Variants in RFX7 observed in about 807,000 individuals in gnomAD.
RFX7 encodes the protein DNA-binding protein RFX7.
RFX7 carries 26 observed loss-of-function variants against 111.8 expected under a neutral mutation model. The ratio of observed to expected loss-of-function variants is 0.23; its 90% CI spans 0.17 to 0.32. The LOEUF (loss-of-function observed/expected upper bound fraction) is 0.32, where lower values mean the gene tolerates loss of function less well. RFX7 is among the 10% of genes least tolerant of loss of function. The pLI, the probability that RFX7 is intolerant of heterozygous loss-of-function variation, is 1.00. For missense variants in RFX7, 1,573 were observed against 1,772.9 expected (o/e 0.89, Z 2.02); for synonymous variants, 624 against 624.4 (o/e 1.00, Z 0.01).
At chr15:56,218,875 C>T (rs1213123829) in intron 2 of RFX7, among the ~76,000 whole-genome samples, 1 of 152,078 alleles carries the variant, frequency 6.6e-6, no homozygotes, top group Non-Finnish European at 1.5e-5. Flanking sequence ...CACTACACAC[C>T]AATATCAGAT....
intron 5 of RFX7, among the ~76,000 whole-genome samples, chr15:56,136,483 C>T (rs1202423026): frequency 1.5e-5 from 2 of 133,504 alleles, no homozygotes; most frequent in Admixed American, 1.6e-4. Flanking sequence ...TGAGACTTTG[C>T]TGAAGTTGCT....
At chr15:56,152,872 G>T (rs1368057821) in intron 3 of RFX7, among the ~76,000 whole-genome samples, 4 of 151,368 alleles carry the variant, frequency 2.6e-5, no homozygotes, top group African/African-American at 9.7e-5. Flanking sequence ...AAATGATATA[G>T]GGGATATCAC....
At chr15:56,213,794 CA>C (rs2043335787) in intron 2 of RFX7, among the ~76,000 whole-genome samples, 1 of 152,142 alleles carries the variant, frequency 6.6e-6, no homozygotes, top group South Asian at 2.1e-4. Context: ...CATATGTAAT[CA>C]TTTCCTTCCT....
chr15:56,126,114 G>T (rs973426604), intron 5 of RFX7, among the ~76,000 whole-genome samples: 5 of 152,046 alleles, frequency 3.3e-5, no homozygotes, highest in Admixed American at 6.6e-5. Context: ...ATAAAGCATG[G>T]CAACTAGAAC....
chr15:56,200,102 G>T (rs1223606450), intron 2 of RFX7, among the ~76,000 whole-genome samples: 2 of 152,124 alleles, frequency 1.3e-5, no homozygotes, highest in African/African-American at 4.8e-5. Flanking sequence ...ATTATATATT[G>T]TCAGTAAATA....
intron 3 of RFX7, among the ~76,000 whole-genome samples, chr15:56,173,121 G>T (rs2042863590): frequency 6.6e-6 from 1 of 152,078 alleles, no homozygotes; most frequent in Non-Finnish European, 1.5e-5. Context: ...TGTTCGAGGT[G>T]GCAAAGAATC....
chr15:56,115,951 A>AG (rs576026522), intron 5 of RFX7, among the ~76,000 whole-genome samples: 2 of 152,272 alleles, frequency 1.3e-5, no homozygotes, highest in African/African-American at 4.8e-5. Flanking sequence ...TCAAAAAAAA[A>AG]AAAAAAAATT....
At chr15:56,109,980 T>C (rs28699093) in intron 5 of RFX7, among the ~76,000 whole-genome samples, 127,965 of 132,712 alleles carry the variant, frequency 0.96, 61,777 homozygotes, top group Non-Finnish European at 0.99. Flanking sequence ...ATCAGCCCCC[T>C]GCCCGGCCAG....
intron 2 of RFX7, among the ~76,000 whole-genome samples, chr15:56,212,500 T>C (rs1447805775): frequency 6.6e-6 from 1 of 152,146 alleles, no homozygotes. Flanking sequence ...ATGTAAATTA[T>C]GGACTGTGGG....
Position 56,095,238 on chromosome 15 carries a change from T to C in RFX7, c.2490A>G (p.Thr830=), listed in dbSNP as rs1244247960. The C allele has an allele frequency of 6.2e-7, 1 of 1,613,882 alleles. No individual in the cohort carries two copies. The change falls in exon 10 of 10, where the codon ACA becomes ACG. Residue 830 remains threonine (T), a synonymous_variant. Transcript: ENST00000559447. ...VWELEGMPQD[T]YSQQLHSQIQ... is the part of the protein sequence containing the mutation. ...TCTGGCTATGTAGCTGCTGGCTATA[T>C]GTGTCCTGTGGCATTCCTTCTAATT...
rs76335281 is a variant in RFX7 at position 56,201,242 on chromosome 15, C to A, written c.162-21939G>T. 5.6e-3 allele frequency among the ~76,000 whole-genome samples: 846 copies of A among 152,168 alleles called. 7 individuals carry two copies. The highest frequency in any genetic ancestry group is 0.034 in the Middle Eastern group (10 of 294). On this transcript the variant is annotated intron_variant, in intron 2 of 9. Transcript: ENST00000559447. ...TTAGGGCAGTAAAGGGTTCAGTATC[C>A]CAAATCTGGTCCAAAAAATAAAGTC...
chr15:56,150,946 TCAA>T (rs1166791851), intron 3 of RFX7, among the ~76,000 whole-genome samples: 6 of 150,020 alleles, frequency 4.0e-5, no homozygotes, highest in African/African-American at 1.5e-4. Context: ...GCCAAATCGA[TCAA>T]CCAGAAGAAA....
At chr15:56,110,379 C>T (rs1276053051) in intron 5 of RFX7, among the ~76,000 whole-genome samples, 2 of 107,972 alleles carry the variant, frequency 1.9e-5, no homozygotes, top group African/African-American at 6.7e-5. Flanking sequence ...TGGGGGGGGT[C>T]AGCCCCCCGC....
chr15:56,165,044 T>G (rs1473294558), intron 3 of RFX7, among the ~76,000 whole-genome samples: 1 of 152,204 alleles, frequency 6.6e-6, no homozygotes, highest in Admixed American at 6.5e-5. Context: ...ACTTAGACCA[T>G]TAGGCATTAG....
chr15:56,223,004 A>C (rs574810545), intron 2 of RFX7, among the ~76,000 whole-genome samples: 34 of 152,284 alleles, frequency 2.2e-4, no homozygotes, highest in African/African-American at 7.7e-4. Context: ...AATTGATCTA[A>C]AATAATTCTT....
intron 2 of RFX7, among the ~76,000 whole-genome samples, chr15:56,224,304 G>C (rs1468238172): frequency 6.6e-6 from 1 of 152,058 alleles, no homozygotes; most frequent in Admixed American, 6.5e-5. Flanking sequence ...CAATTTTAAA[G>C]TAAGTATTTT....
chr15:56,096,465 C>T lies in RFX7; in HGVS notation c.1263G>A (p.Gly421=), dbSNP rs1464122801. 1 of 1,611,826 alleles carries T rather than the reference C, an allele frequency of 6.2e-7. No homozygotes were observed. The highest frequency in any genetic ancestry group is 1.7e-5 in the Admixed American group (1 of 59,644). ...TPQNVPASPG[G]DRSARHRYPQ... ...GGTAACGGTGCCGGGCAGAACGATC[C>T]CCACCAGGACTGGCTGGAACGTTCT... is the stretch of plus-strand genomic sequence containing the variant. Residue 421 remains glycine (G), a synonymous_variant, in exon 10 of 10, where the codon GGG becomes GGA. Transcript: ENST00000559447.
chr15:56,098,011 C>T, intron 9 of RFX7, 70 bp downstream of exon 9: 1 of 1,437,780 alleles, frequency 7.0e-7, no homozygotes, highest in Non-Finnish European at 9.6e-7. Flanking sequence ...TTCTTTTCAT[C>T]TGCCACTTTT....
At chr15:56,197,773 A>C (rs2043159177) in intron 2 of RFX7, among the ~76,000 whole-genome samples, 1 of 152,132 alleles carries the variant, frequency 6.6e-6, no homozygotes, top group African/African-American at 2.4e-5. Flanking sequence ...TGAACCACAG[A>C]AGTCAAAGGG....
Sources: allele counts gnomAD v4.1 joint callset (sites outside exome capture counted in the v4.1 genomes callset), GRCh38; gene constraint gnomAD v4.1.1; transcripts MANE v1.5; gene names NCBI Gene and HGNC (gene_info 2026-07-23, HGNC 2026-07-21).